The following LHFPL3 variants were observed in gnomAD, a reference collection of about 807,000 sequenced individuals.
The protein encoded by LHFPL3 is LHFPL tetraspan subfamily member 3 protein.
LHFPL3 carries 5 observed loss-of-function variants against 19.3 expected under a neutral mutation model. The ratio of observed to expected loss-of-function variants is 0.26; its 90% CI spans 0.14 to 0.54. The LOEUF is 0.54. Ranked by LOEUF, LHFPL3 falls within the 20% of genes least tolerant of loss-of-function variation. The pLI, the probability that LHFPL3 is intolerant of heterozygous loss-of-function variation, is 0.94. For synonymous variants in LHFPL3, 133 were observed against 126.2 expected (o/e 1.05, Z -0.36); for missense variants, 249 against 307.4 (o/e 0.81, Z 1.42).
chr7:104,574,906 C>T (rs894925793), intron 1 of LHFPL3, among the ~76,000 whole-genome samples: 1 of 152,098 alleles, frequency 6.6e-6, no homozygotes, highest in Non-Finnish European at 1.5e-5. Flanking sequence ...ATATGACACT[C>T]CATGTATGCA....
chr7:104,419,953 TAAAAAC>T (rs1252720873), intron 1 of LHFPL3, among the ~76,000 whole-genome samples: 1 of 151,542 alleles, frequency 6.6e-6, no homozygotes, highest in Non-Finnish European at 1.5e-5. Context: ...CTCCCAGAGT[TAAAAAC>T]AAACAAACAA....
intron 1 of LHFPL3, among the ~76,000 whole-genome samples, chr7:104,453,944 G>C (rs1392992831): frequency 6.6e-6 from 1 of 152,174 alleles, no homozygotes; most frequent in African/African-American, 2.4e-5. Context: ...TGTGCTTCCT[G>C]TAAAGCCTGC....
chr7:104,430,454 ATTTTTTTTTTTTTTTTT>A (rs1172420054), intron 1 of LHFPL3, among the ~76,000 whole-genome samples: 10 of 15,284 alleles, frequency 6.5e-4, no homozygotes, highest in African/African-American at 2.7e-3. Flanking sequence ...ATATATATAT[ATTTTTTTTTTTTTTTTT>A]TTTTTTTTTT....
At chr7:104,888,423 A>G (rs1420247196) in intron 2 of LHFPL3, among the ~76,000 whole-genome samples, 2 of 152,142 alleles carry the variant, frequency 1.3e-5, no homozygotes, top group Non-Finnish European at 2.9e-5. Flanking sequence ...CCAGCTAACC[A>G]GGAGACTGAG....
chr7:104,661,668 C>A (rs181350737), intron 1 of LHFPL3, among the ~76,000 whole-genome samples: 1 of 152,306 alleles, frequency 6.6e-6, no homozygotes, highest in African/African-American at 2.4e-5. Flanking sequence ...CAAAGGTTGC[C>A]TGAAGCCATG....
chr7:104,878,923 T>C (rs1046176071), intron 2 of LHFPL3, among the ~76,000 whole-genome samples: 1 of 152,204 alleles, frequency 6.6e-6, no homozygotes, highest in Non-Finnish European at 1.5e-5. Flanking sequence ...TTTTCTGATA[T>C]AGAAAAGCTT....
At chr7:104,552,676 A>T (rs11770655) in intron 1 of LHFPL3, among the ~76,000 whole-genome samples, 14,173 of 152,188 alleles carry the variant, frequency 0.093, 1,268 homozygotes, top group African/African-American at 0.24. Context: ...ATAGTGCATG[A>T]ATTACCTGTA....
chr7:104,724,620 G>A (rs558592544), intron 1 of LHFPL3, among the ~76,000 whole-genome samples: 4 of 152,268 alleles, frequency 2.6e-5, no homozygotes, highest in Non-Finnish European at 5.9e-5. Flanking sequence ...GTGGAGGGTG[G>A]GAGGAGGGAG....
intron 1 of LHFPL3, among the ~76,000 whole-genome samples, chr7:104,528,160 G>C (rs1401766468): frequency 6.6e-6 from 1 of 152,176 alleles, no homozygotes; most frequent in Non-Finnish European, 1.5e-5. Flanking sequence ...TTTTACATCA[G>C]GAATTCTGTT....
intron 1 of LHFPL3, among the ~76,000 whole-genome samples, chr7:104,614,613 C>A (rs533038052): frequency 6.4e-5 from 9 of 141,110 alleles, no homozygotes; most frequent in South Asian, 5.3e-4. Flanking sequence ...CTTCTCTTCT[C>A]TTCTCTTCTC....
intron 1 of LHFPL3, among the ~76,000 whole-genome samples, chr7:104,388,984 T>A (rs1280558707): frequency 1.3e-5 from 2 of 152,164 alleles, no homozygotes; most frequent in Non-Finnish European, 2.9e-5. Context: ...CTGCTTCAAT[T>A]ACCACTCTTC....
intron 2 of LHFPL3, among the ~76,000 whole-genome samples, chr7:104,757,992 T>C (rs1026274327): frequency 1.3e-5 from 2 of 152,162 alleles, no homozygotes; most frequent in Non-Finnish European, 2.9e-5. Context: ...GAAAATGTGG[T>C]ACATATACAC....
intron 1 of LHFPL3, among the ~76,000 whole-genome samples, chr7:104,597,710 A>G (rs1005835829): frequency 3.9e-5 from 6 of 152,218 alleles, no homozygotes; most frequent in African/African-American, 1.4e-4. Flanking sequence ...AATATATGCA[A>G]CTGCTTTGCA....
chr7:104,339,711 C>T (rs1789908431), intron 1 of LHFPL3, among the ~76,000 whole-genome samples: 1 of 152,164 alleles, frequency 6.6e-6, no homozygotes, highest in Non-Finnish European at 1.5e-5. Context: ...ATGTATTTTC[C>T]AGAATTTCCT....
chr7:104,531,603 T>C (rs1021040313), intron 1 of LHFPL3, among the ~76,000 whole-genome samples: 1 of 152,170 alleles, frequency 6.6e-6, no homozygotes, highest in African/African-American at 2.4e-5. Flanking sequence ...TCATGTCTTC[T>C]AGGACTTCTG....
chr7:104,402,708 A>G (rs2116496438), intron 1 of LHFPL3, among the ~76,000 whole-genome samples: 1 of 152,332 alleles, frequency 6.6e-6, no homozygotes, highest in Non-Finnish European at 1.5e-5. Context: ...GGCTTTCCTT[A>G]TATTTGACAG....
At chr7:104,551,595 A>G (rs1297174989) in intron 1 of LHFPL3, among the ~76,000 whole-genome samples, 1 of 152,090 alleles carries the variant, frequency 6.6e-6, no homozygotes, top group East Asian at 1.9e-4. Context: ...CCTTCACTAT[A>G]TTATTTATTA....
At chr7:104,392,116 T>C (rs1159408677) in intron 1 of LHFPL3, among the ~76,000 whole-genome samples, 2 of 152,176 alleles carry the variant, frequency 1.3e-5, no homozygotes, top group Non-Finnish European at 2.9e-5. Flanking sequence ...AAATTTACAG[T>C]CGTGTCATCT....
At chr7:104,561,626 C>T (rs1790005792) in intron 1 of LHFPL3, among the ~76,000 whole-genome samples, 1 of 152,174 alleles carries the variant, frequency 6.6e-6, no homozygotes, top group Non-Finnish European at 1.5e-5. Context: ...TGGGTCTTGA[C>T]TTGTTATCCA....
Sources: allele counts gnomAD v4.1 joint callset (sites outside exome capture counted in the v4.1 genomes callset), GRCh38; gene constraint gnomAD v4.1.1; transcripts MANE v1.5; gene names NCBI Gene and HGNC (gene_info 2026-07-23, HGNC 2026-07-21).